Variants in TUNAR observed in about 807,000 individuals in gnomAD.
The protein encoded by TUNAR is transmembrane neural differentiation associated intracellular calcium regulator.
chr14:95,909,182 G>A (rs1448422819), intron 2 of TUNAR, among the ~76,000 whole-genome samples: 2 of 151,640 alleles, frequency 1.3e-5, no homozygotes, highest in African/African-American at 4.9e-5. Flanking sequence ...TTAGATCAGT[G>A]TTTAAACTTT....
intron 2 of TUNAR, among the ~76,000 whole-genome samples, chr14:95,909,970 G>A (rs568401976): frequency 1.3e-4 from 20 of 152,216 alleles, no homozygotes; most frequent in Admixed American, 2.6e-4. Flanking sequence ...CCCAGCAGGC[G>A]GTGGTGGGAC....
rs1289782204 is a variant in TUNAR, at chr14:95,901,190, G to A, written c.13-21591G>A. ...GCTCGGTGTAAGAGCTTTCTGACCG[G>A]CAGAGCTGACAGGAGCCATTGCTTA... On this transcript the variant is annotated intron_variant, in intron 2 of 2. Coordinates refer to ENST00000678517, the Ensembl canonical transcript of TUNAR. Among the ~76,000 whole-genome samples, 3 of 152,346 alleles carry A rather than the reference G, an allele frequency of 2.0e-5. No homozygotes were observed. The East Asian group carries it at 5.8e-4, about 29-fold the overall frequency.
At chr14:95,887,229 G>A (rs1342940502) in intron 2 of TUNAR, among the ~76,000 whole-genome samples, 1 of 152,134 alleles carries the variant, frequency 6.6e-6, no homozygotes, top group Non-Finnish European at 1.5e-5. Flanking sequence ...ATCATCGCTG[G>A]CTCCATCTCT....
At chr14:95,922,102 C>T (rs1385099820) in intron 2 of TUNAR, among the ~76,000 whole-genome samples, 1 of 152,198 alleles carries the variant, frequency 6.6e-6, no homozygotes, top group African/African-American at 2.4e-5. Context: ...TATAACCTGG[C>T]AGAGCAGGTG....
At chr14:95,899,326 G>GC (rs759406720) in intron 2 of TUNAR, among the ~76,000 whole-genome samples, 1 of 152,088 alleles carries the variant, frequency 6.6e-6, no homozygotes, top group Non-Finnish European at 1.5e-5. Context: ...GTATCCCACA[G>GC]CCCCCCACAA....
chr14:95,878,076 A>G (rs755066877), intron 2 of TUNAR, among the ~76,000 whole-genome samples: 4 of 152,206 alleles, frequency 2.6e-5, no homozygotes, highest in Non-Finnish European at 5.9e-5. Context: ...GGAGATGATT[A>G]CTTAACCGGA....
At chr14:95,877,458 A>C (rs916806084) in intron 2 of TUNAR, among the ~76,000 whole-genome samples, 1 of 152,186 alleles carries the variant, frequency 6.6e-6, no homozygotes, top group African/African-American at 2.4e-5. Flanking sequence ...AGCTAGGTTC[A>C]GACTTAGCAT....
At position 95,895,923 on chromosome 14, in the gene TUNAR, C is replaced by A. The variant is rs1889256674; in HGVS notation, c.12+18746C>A. 1 of 152,264 alleles carries A rather than the reference C, an allele frequency of 6.6e-6. No homozygotes were observed. Among genetic ancestry groups the A allele is most frequent in the Non-Finnish European group, 1.5e-5 (1 of 68,062 alleles). 9.4% of individuals were successfully genotyped at this position (152,264 alleles called of 1,614,324 possible). A position where few individuals can be genotyped will look rare whatever the true frequency, so the allele number is the denominator to read the frequency against. On this transcript the variant is annotated intron_variant, in intron 2 of 2. Transcript: ENST00000678517. This position sits in a 1 kb window ranked among gnomAD's most constrained non-coding sequence, Gnocchi z 4.5. ...GGTGCCTGCCCATCATGGCATCCACCACCAGGTGGCCTTTTTCTTGGTAAG... is the reference window on the plus strand; with the variant it reads ...GGTGCCTGCCCATCATGGCATCCACAACCAGGTGGCCTTTTTCTTGGTAAG...
At chr14:95,899,372 C>T (rs965288006) in intron 2 of TUNAR, among the ~76,000 whole-genome samples, 6 of 152,212 alleles carry the variant, frequency 3.9e-5, no homozygotes, top group African/African-American at 1.2e-4. Context: ...ACAGGAGACC[C>T]TCAGCTCTGA....
At chr14:95,882,765 T>A (rs1164559036) in intron 2 of TUNAR, among the ~76,000 whole-genome samples, 1 of 152,210 alleles carries the variant, frequency 6.6e-6, no homozygotes, top group Non-Finnish European at 1.5e-5. Flanking sequence ...TTTCCCAACC[T>A]GCCACATTTC....
intron 2 of TUNAR, among the ~76,000 whole-genome samples, chr14:95,878,159 G>A (rs181814770): frequency 2.6e-4 from 40 of 152,378 alleles, no homozygotes; most frequent in Non-Finnish European, 5.7e-4. Context: ...AGCCCTCAGT[G>A]TCAGCAGAAC....
At chr14:95,891,676 G>A (rs1008919106) in intron 2 of TUNAR, among the ~76,000 whole-genome samples, 7 of 152,220 alleles carry the variant, frequency 4.6e-5, no homozygotes, top group Non-Finnish European at 1.0e-4. Flanking sequence ...TGGCTCTGTT[G>A]TCTGTTACGT....
At position 95,896,106 on chromosome 14, in the gene TUNAR, GTAA is replaced by G. The variant is rs201506962; in HGVS notation, c.12+18932_12+18934del. Among the ~76,000 whole-genome samples, 668 of 151,344 alleles carry G rather than the reference GTAA, an allele frequency of 4.4e-3. 6 individuals carry two copies. The highest frequency in any genetic ancestry group is 0.016 in the African/African-American group (637 of 40,884). On this transcript the variant is annotated intron_variant, in intron 2 of 2. Coordinates refer to ENST00000678517, the Ensembl canonical transcript of TUNAR. Reference sequence around the variant, plus strand: ...GTTAAAAAAACGTTTCTGCCAGTGAGTAATAGAGTGGATATTCAAACCGGCCTT... The same window carrying G: ...GTTAAAAAAACGTTTCTGCCAGTGAGTAGAGTGGATATTCAAACCGGCCTT...
chr14:95,903,634 C>T (rs140631452), intron 2 of TUNAR, among the ~76,000 whole-genome samples: 149 of 152,344 alleles, frequency 9.8e-4, no homozygotes, highest in African/African-American at 3.5e-3. Flanking sequence ...CCAGTGTTCC[C>T]GTTACCTATT....
rs773805201 is a variant in TUNAR, at chr14:95,890,847, A to G, written c.12+13670A>G. ...AATCAAATGTAATTAAATTAATCAG[A>G]GTATTCTTGGTTTTCCCATTTCACC... On this transcript the variant is annotated intron_variant, in intron 2 of 2. Transcript: ENST00000678517. Among the ~76,000 whole-genome samples, 6 of 152,248 alleles carry G rather than the reference A, an allele frequency of 3.9e-5. No homozygotes were observed. In the East Asian group the frequency reaches 9.6e-4, roughly 24 times the overall value.
intron 2 of TUNAR, among the ~76,000 whole-genome samples, chr14:95,907,617 C>G (rs1483706774): frequency 6.6e-6 from 1 of 152,170 alleles, no homozygotes; most frequent in Non-Finnish European, 1.5e-5. Context: ...AGGTGCTTTA[C>G]TGAGTGTTAC....
intron 2 of TUNAR, among the ~76,000 whole-genome samples, chr14:95,898,074 G>A (rs1178935572): frequency 1.3e-5 from 2 of 152,072 alleles, no homozygotes; most frequent in Non-Finnish European, 2.9e-5. Flanking sequence ...TGCTTTCCTG[G>A]GTTGGAGGCT....
chr14:95,922,609 C>T (rs1014781978), intron 2 of TUNAR, among the ~76,000 whole-genome samples, 172 bp from the exon 2 acceptor site: 1 of 152,170 alleles, frequency 6.6e-6, no homozygotes, highest in Non-Finnish European at 1.5e-5. Flanking sequence ...CGTGTTCTGC[C>T]TTTTTCCCAT....
chr14:95,886,627 C>T (rs1015662459), intron 2 of TUNAR, among the ~76,000 whole-genome samples: 10 of 152,164 alleles, frequency 6.6e-5, no homozygotes, highest in African/African-American at 2.4e-4. Context: ...GTTCCCTGCC[C>T]CAGGACATGG....
Sources: gnomAD v4.1 joint callset for allele counts (sites outside exome capture counted in the v4.1 genomes callset) on GRCh38, gnomAD v4.1.1 for gene constraint, Gnocchi (gnomAD v3.1) non-coding constraint, MANE v1.5 for transcripts, NCBI Gene and HGNC (gene_info 2026-07-23, HGNC 2026-07-21) for gene names.